Variants in NCOA1 observed in about 807,000 individuals in gnomAD.
NCOA1 encodes the protein Hin-2 protein.
A neutral mutation model predicts 150.9 loss-of-function variants in NCOA1; 35 were observed. The observed-to-expected ratio is 0.23, with a 90% confidence interval of 0.18 to 0.31. NCOA1 has a LOEUF of 0.31. NCOA1 is among the 10% of genes least tolerant of loss of function. The probability of loss-of-function intolerance (pLI) is 1.00; values close to 1 mark genes in which losing one functional copy is unlikely to be tolerated. For synonymous variants in NCOA1, 590 were observed against 630.0 expected (o/e 0.94, Z 0.95); for missense variants, 1,491 against 1,749.3 (o/e 0.85, Z 2.63).
intron 1 of NCOA1, among the ~76,000 whole-genome samples, chr2:24,548,804 G>C (rs1290686467): frequency 6.6e-6 from 1 of 152,224 alleles, no homozygotes; most frequent in Non-Finnish European, 1.5e-5. Flanking sequence ...GTTGCGAGGG[G>C]TGGGTTCCCA....
At chr2:24,671,006 C>T (rs970379084) in intron 6 of NCOA1, among the ~76,000 whole-genome samples, 2 of 152,178 alleles carry the variant, frequency 1.3e-5, no homozygotes, top group Non-Finnish European at 2.9e-5. Flanking sequence ...ATATAAGTTA[C>T]GCAGACCTTA....
chr2:24,686,786 A>G (rs913350144), intron 8 of NCOA1, among the ~76,000 whole-genome samples: 1 of 152,172 alleles, frequency 6.6e-6, no homozygotes, highest in Non-Finnish European at 1.5e-5. Context: ...ATCACCTAAA[A>G]TATTTAGCAG....
At chr2:24,762,448 C>T (rs1664836305) in intron 21 of NCOA1, among the ~76,000 whole-genome samples, 1 of 152,190 alleles carries the variant, frequency 6.6e-6, no homozygotes, top group African/African-American at 2.4e-5. Flanking sequence ...GAGTACCACT[C>T]AGATCAAGAA....
intron 14 of NCOA1, among the ~76,000 whole-genome samples, chr2:24,718,663 C>A (rs1194382288): frequency 6.7e-6 from 1 of 149,806 alleles, no homozygotes; most frequent in African/African-American, 2.5e-5. Context: ...GAAACTCCAT[C>A]TCTACTAAAA....
At chr2:24,604,241 C>T (rs1668256356) in intron 3 of NCOA1, among the ~76,000 whole-genome samples, 1 of 152,158 alleles carries the variant, frequency 6.6e-6, no homozygotes, top group Non-Finnish European at 1.5e-5. Context: ...AAACGTAATT[C>T]TTATTGGCCA....
intron 3 of NCOA1, among the ~76,000 whole-genome samples, chr2:24,589,578 T>G (rs892114158): frequency 1.3e-5 from 2 of 151,970 alleles, no homozygotes; most frequent in Non-Finnish European, 2.9e-5. Flanking sequence ...TATTTTGGAG[T>G]GGCTATCTCC....
chr2:24,555,755 A>G (rs1666043907), intron 1 of NCOA1, among the ~76,000 whole-genome samples: 1 of 152,098 alleles, frequency 6.6e-6, no homozygotes, highest in Non-Finnish European at 1.5e-5. Context: ...TGTTTTGTCG[A>G]TATTGTATCA....
At chr2:24,502,764 A>C (rs1318802681) in intron 1 of NCOA1, among the ~76,000 whole-genome samples, 1 of 152,188 alleles carries the variant, frequency 6.6e-6, no homozygotes, top group Non-Finnish European at 1.5e-5. Flanking sequence ...GTTCTCCCTT[A>C]ATCTAGTCTA....
Position 24,768,684 on chromosome 2 carries a change from G to T in NCOA1, c.*293G>T, listed in dbSNP as rs1665189701. 1.2e-5 allele frequency: 3 copies of T among 242,058 alleles called. No homozygotes were observed. In the South Asian group the frequency reaches 4.8e-4, roughly 38 times the overall value. The allele number at this position is 242,058 out of a possible 1,614,324, so 15.0% of individuals were successfully genotyped here. A position where few individuals can be genotyped will look rare whatever the true frequency, so the allele number is the denominator to read the frequency against. On this transcript the variant is annotated 3_prime_UTR_variant, in exon 23 of 23. Transcript: ENST00000348332. ...TTAATTATTCTTATTTTTGTAATCA[G>T]TCATTGGCTTCTTATCTGGATGAAG...
intron 5 of NCOA1, 72 bp downstream of exon 5, chr2:24,658,838 G>A: frequency 7.4e-7 from 1 of 1,356,324 alleles, no homozygotes; most frequent in Admixed American, 1.8e-5. Context: ...CAGAGCTTTT[G>A]TTTAATCTAC....
intron 5 of NCOA1, among the ~76,000 whole-genome samples, chr2:24,665,406 A>G (rs1050031973): frequency 6.6e-6 from 1 of 152,230 alleles, no homozygotes; most frequent in Non-Finnish European, 1.5e-5. Flanking sequence ...GAAGTTATTC[A>G]TAATATAAAG....
chr2:24,712,591 T>C (rs777314777), intron 14 of NCOA1, among the ~76,000 whole-genome samples: 9 of 152,096 alleles, frequency 5.9e-5, no homozygotes, highest in Non-Finnish European at 1.2e-4. Context: ...GAGGAAACTC[T>C]GCAACTTGAA....
intron 4 of NCOA1, among the ~76,000 whole-genome samples, chr2:24,658,118 T>C (rs1671026644): frequency 6.6e-6 from 1 of 152,180 alleles, no homozygotes; most frequent in Non-Finnish European, 1.5e-5. Flanking sequence ...AAACAAAAGG[T>C]TAGGAGTATA....
At chr2:24,535,697 C>T (rs1370456515) in intron 1 of NCOA1, among the ~76,000 whole-genome samples, 2 of 152,024 alleles carry the variant, frequency 1.3e-5, no homozygotes, top group Non-Finnish European at 2.9e-5. Context: ...TTTATTTTTC[C>T]TTCACTTATG....
At chr2:24,690,309 G>A (rs536453704) in intron 8 of NCOA1, among the ~76,000 whole-genome samples, 3 of 152,162 alleles carry the variant, frequency 2.0e-5, no homozygotes, top group African/African-American at 7.2e-5. Context: ...ATGGAAAAAA[G>A]GAAGGAGGGT....
At chr2:24,667,118 T>G (rs998108207) in intron 6 of NCOA1, among the ~76,000 whole-genome samples, 8 of 152,020 alleles carry the variant, frequency 5.3e-5, no homozygotes, top group African/African-American at 1.4e-4. Flanking sequence ...AGCATTAAAG[T>G]TTTATAATTT....
intron 5 of NCOA1, among the ~76,000 whole-genome samples, chr2:24,660,877 T>C (rs1671154465): frequency 6.6e-6 from 1 of 151,330 alleles, no homozygotes; most frequent in Non-Finnish European, 1.5e-5. Context: ...CTGGCCAACA[T>C]AGTGAAAACC....
chr2:24,652,341 T>G (rs1572544986), intron 4 of NCOA1, among the ~76,000 whole-genome samples: 2 of 152,202 alleles, frequency 1.3e-5, no homozygotes, highest in African/African-American at 4.8e-5. Flanking sequence ...TGAGAAACAT[T>G]TTTTTGGAAA....
At chr2:24,675,946 T>G (rs1174043121) in intron 7 of NCOA1, among the ~76,000 whole-genome samples, 2 of 152,172 alleles carry the variant, frequency 1.3e-5, no homozygotes, top group African/African-American at 4.8e-5. Context: ...TTACTATATG[T>G]ACCTGTGAAT....
Sources: gnomAD v4.1 joint callset for allele counts (sites outside exome capture counted in the v4.1 genomes callset) on GRCh38, gnomAD v4.1.1 for gene constraint, MANE v1.5 for transcripts, NCBI Gene and HGNC (gene_info 2026-07-23, HGNC 2026-07-21) for gene names.